The following GARRE1 variants were observed in gnomAD, a reference collection of about 807,000 sequenced individuals.
The protein encoded by GARRE1 is granule associated Rac and RHOG effector 1.
In GARRE1, 49 loss-of-function variants were observed where a neutral mutation model predicts 103.2. The observed-to-expected ratio is 0.47, with a 90% CI of 0.38 to 0.60. GARRE1 has a LOEUF of 0.60. Ranked by LOEUF, GARRE1 falls within the 20% of genes least tolerant of loss-of-function variation. GARRE1 has a pLI of 0.00. For synonymous variants in GARRE1, 505 were observed against 532.8 expected (o/e 0.95, Z 0.72); for missense variants, 1,199 against 1,370.5 (o/e 0.87, Z 1.98).
At chr19:34,334,062 G>A (rs1183657198) in intron 8 of GARRE1, among the ~76,000 whole-genome samples, 1 of 152,136 alleles carries the variant, frequency 6.6e-6, no homozygotes, top group Non-Finnish European at 1.5e-5. Context: ...ATCATAATGA[G>A]CAGTATTATC....
At chr19:34,266,182 C>T (rs1425847796) in intron 1 of GARRE1, among the ~76,000 whole-genome samples, 3 of 152,302 alleles carry the variant, frequency 2.0e-5, no homozygotes, top group South Asian at 2.1e-4. Flanking sequence ...AGGCTCATGG[C>T]GCAGATAAGT....
At chr19:34,309,341 G>C (rs751981327) in intron 2 of GARRE1, among the ~76,000 whole-genome samples, 2 of 152,154 alleles carry the variant, frequency 1.3e-5, no homozygotes, top group Non-Finnish European at 2.9e-5. Context: ...TTTTGGGGTT[G>C]AGGTTCAAAC....
chr19:34,269,257 G>A (rs1423855621), intron 1 of GARRE1, among the ~76,000 whole-genome samples: 2 of 152,214 alleles, frequency 1.3e-5, no homozygotes, highest in African/African-American at 2.4e-5. Flanking sequence ...CCACGTGGAA[G>A]CAGGTTGTTC....
chr19:34,307,728 ATATATACT>A (rs1309724491), intron 2 of GARRE1, among the ~76,000 whole-genome samples: 1 of 138,846 alleles, frequency 7.2e-6, no homozygotes, highest in Non-Finnish European at 1.5e-5. Context: ...CTATATATAC[ATATATACT>A]TATATATACT....
chr19:34,264,384 A>G (rs1023796915), intron 1 of GARRE1, among the ~76,000 whole-genome samples: 37 of 152,020 alleles, frequency 2.4e-4, no homozygotes, highest in African/African-American at 7.5e-4. Flanking sequence ...TGGACGTGTC[A>G]TGTGATGACA....
intron 6 of GARRE1, 100 bp downstream of exon 6, chr19:34,328,251 T>A (rs2145268042): frequency 2.2e-6 from 3 of 1,334,086 alleles, no homozygotes; most frequent in East Asian, 4.7e-5. Context: ...AAAAAAAAAA[T>A]GGGGCCGGGC....
chr19:34,350,095 G>A (rs906529592), intron 12 of GARRE1, among the ~76,000 whole-genome samples: 9 of 152,180 alleles, frequency 5.9e-5, no homozygotes, highest in African/African-American at 2.2e-4. Flanking sequence ...GTTAGGCTAG[G>A]TGCTCTGAAG....
chr19:34,331,829 A>G (rs57754579), intron 7 of GARRE1, among the ~76,000 whole-genome samples: 16,319 of 152,026 alleles, frequency 0.11, 999 homozygotes, highest in East Asian at 0.2. Flanking sequence ...CCTCGTCTCT[A>G]AAAATACAAA....
chr19:34,282,272 C>T (rs936052663), intron 1 of GARRE1, among the ~76,000 whole-genome samples: 3 of 152,144 alleles, frequency 2.0e-5, no homozygotes, highest in African/African-American at 7.2e-5. Flanking sequence ...CTGCCTTGGC[C>T]TCCTGAGTAG....
At chr19:34,340,029 G>T in intron 9 of GARRE1, 37 bp downstream of exon 9, 8 of 1,611,952 alleles carry the variant, frequency 5.0e-6, no homozygotes, top group Non-Finnish European at 6.8e-6. Context: ...GCATACCGAG[G>T]GACAGTGTGA....
intron 2 of GARRE1, among the ~76,000 whole-genome samples, chr19:34,301,982 CTTTTTT>C (rs35417822): frequency 1.0e-4 from 5 of 50,028 alleles, no homozygotes; most frequent in African/African-American, 3.3e-4. Flanking sequence ...TGCGCCCAGC[CTTTTTT>C]TTTTTTTTTT....
chr19:34,320,007 A>G lies in GARRE1; in HGVS notation c.596A>G (p.Glu199Gly), dbSNP rs1206898791. ...VQPVAHSCFA[E>G]VIVPEKKNSG... Reference sequence around the variant, plus strand: ...CCGGTGGCTCACTCTTGCTTTGCTGAGGTCATCGTGCCAGAAAAAAAGAAC... The same window carrying G: ...CCGGTGGCTCACTCTTGCTTTGCTGGGGTCATCGTGCCAGAAAAAAAGAAC... Residue 199 changes from glutamate to glycine, a missense_variant, in exon 3 of 14, where the codon GAG becomes GGG. Coordinates refer to ENST00000299505, the MANE Select transcript of GARRE1 (RefSeq NM_014686.5). The G allele has an allele frequency of 6.2e-7, 1 of 1,614,108 alleles. No individual in the cohort carries two copies. Among genetic ancestry groups the G allele is most frequent in the East Asian group, 2.2e-5 (1 of 44,872 alleles).
intron 7 of GARRE1, among the ~76,000 whole-genome samples, chr19:34,331,662 G>A (rs935337201): frequency 1.3e-5 from 2 of 152,206 alleles, no homozygotes; most frequent in East Asian, 3.9e-4. Flanking sequence ...AGAATCTTAC[G>A]TATTTGATCT....
intron 1 of GARRE1, among the ~76,000 whole-genome samples, chr19:34,272,236 C>T (rs1244567831): frequency 6.6e-6 from 1 of 152,032 alleles, no homozygotes; most frequent in Non-Finnish European, 1.5e-5. Context: ...TTTTTTGAAA[C>T]ATAGTCTTGC....
Position 34,353,283 on chromosome 19 carries a change from C to G in GARRE1, c.*328C>G. On this transcript the variant is annotated 3_prime_UTR_variant, in exon 14 of 14. Transcript: ENST00000299505. ...CAGCCACACTTGAAGAAACACAGCT[C>G]TTGGGTTTTTAGTCCTGCTGTGTGT... 1 of 369,446 alleles carries G rather than the reference C, an allele frequency of 2.7e-6. No individual in the cohort carries two copies. Among genetic ancestry groups the G allele is most frequent in the East Asian group, 4.2e-5 (1 of 24,006 alleles). The allele number at this position is 369,446 out of a possible 1,614,324, so 22.9% of individuals were successfully genotyped here.
At chr19:34,339,355 T>C (rs1486328706) in intron 8 of GARRE1, among the ~76,000 whole-genome samples, 2 of 152,192 alleles carry the variant, frequency 1.3e-5, no homozygotes, top group African/African-American at 2.4e-5. Context: ...AGGTTTATTA[T>C]AAAGGATATT....
chr19:34,291,243 CTG>C lies in GARRE1; in HGVS notation c.-795-8434_-795-8433del, dbSNP rs1409643442. ...TTTTTACCATTGTAAAGTAGCAAAA[CTG>C]TAAGTCAAGCCATTGTAAGTCAGGA... On this transcript the variant is annotated intron_variant, in intron 1 of 13. Transcript: ENST00000299505. Among the ~76,000 whole-genome samples the C allele has an allele frequency of 3.9e-5, 6 of 151,994 alleles. No homozygotes were observed. The South Asian group carries it at 1.2e-3, about 32-fold the overall frequency.
At chr19:34,334,915 G>T (rs527664656) in intron 8 of GARRE1, among the ~76,000 whole-genome samples, 2 of 151,888 alleles carry the variant, frequency 1.3e-5, no homozygotes, top group Non-Finnish European at 2.9e-5. Context: ...TTAGCCGGGC[G>T]TGGTGGCATG....
chr19:34,349,217 C>A, intron 12 of GARRE1, 64 bp downstream of exon 12: 2 of 1,549,478 alleles, frequency 1.3e-6, no homozygotes, highest in South Asian at 1.1e-5. Context: ...CCATGGCTCA[C>A]TCCCTGGGAA....
Sources: gnomAD v4.1 joint callset for allele counts (sites outside exome capture counted in the v4.1 genomes callset) on GRCh38, gnomAD v4.1.1 for gene constraint, MANE v1.5 for transcripts, NCBI Gene and HGNC (gene_info 2026-07-23, HGNC 2026-07-21) for gene names.